The following CACNA1C variants were observed in gnomAD, a reference collection of about 807,000 sequenced individuals.
CACNA1C encodes the protein voltage-dependent L-type calcium channel subunit alpha-1C.
CACNA1C carries 30 observed loss-of-function variants against 229.0 expected under a neutral mutation model. The ratio of observed to expected loss-of-function variants is 0.13; its 90% CI spans 0.10 to 0.18. The LOEUF (loss-of-function observed/expected upper bound fraction) is 0.18. Ranked by LOEUF, CACNA1C falls within the 10% of genes least tolerant of loss-of-function variation. CACNA1C has a pLI of 1.00. For missense variants in CACNA1C, 1,658 were observed against 2,845.0 expected (o/e 0.58, Z 9.49); for synonymous variants, 1,114 against 1,132.5 (o/e 0.98, Z 0.33).
intron 3 of CACNA1C, among the ~76,000 whole-genome samples, chr12:2,254,104 A>G (rs1196914373): frequency 6.6e-6 from 1 of 152,174 alleles, no homozygotes; most frequent in Admixed American, 6.5e-5. Context: ...GCCTTATTTA[A>G]AGTAAAACTT....
In CACNA1C at chr12:2,285,832, G is replaced by C. The variant is rs138953624; in HGVS notation, c.478-163144G>C. On this transcript the variant is annotated intron_variant, in intron 3 of 46. Transcript: ENST00000399655. The surrounding 1 kb of genome is among the most constrained non-coding windows in gnomAD (Gnocchi z 4.2). ...AGGGAGTGTTTTATTAGGAATTTAC[G>C]TTATATGTGCAAGGAATACCACATG... 6.6e-6 allele frequency among the ~76,000 whole-genome samples: 1 copy of C among 152,180 alleles called. No individual in the cohort carries two copies. The highest frequency in any genetic ancestry group is 1.9e-4 in the East Asian group (1 of 5,202).
At position 2,523,511 on chromosome 12, in the gene CACNA1C, T is replaced by C. The variant is rs550023781; in HGVS notation, c.1390+10527T>C. Reference sequence around the variant, plus strand: ...GTCATGGAACCGCCTCTGATGATTCTGGGCTGTGCAGTGCTACAGCGTCAT... The same window carrying C: ...GTCATGGAACCGCCTCTGATGATTCCGGGCTGTGCAGTGCTACAGCGTCAT... On this transcript the variant is annotated intron_variant, in intron 9 of 46. Transcript: ENST00000399655. 3.3e-5 allele frequency among the ~76,000 whole-genome samples: 5 copies of C among 152,284 alleles called. No individual in the cohort carries two copies. In the South Asian group the frequency reaches 8.3e-4, roughly 25 times the overall value.
chr12:2,407,780 G>C (rs1567507661), intron 3 of CACNA1C, among the ~76,000 whole-genome samples: 1 of 152,222 alleles, frequency 6.6e-6, no homozygotes, highest in Non-Finnish European at 1.5e-5. Context: ...GTATTGATTT[G>C]CATTTCCCTA....
chr12:2,377,463 T>C (rs1030031019), intron 3 of CACNA1C, among the ~76,000 whole-genome samples: 3 of 152,154 alleles, frequency 2.0e-5, no homozygotes, highest in Non-Finnish European at 4.4e-5. Context: ...AGCCTAGCCT[T>C]ACAGCGGCTA....
intron 1 of CACNA1C, among the ~76,000 whole-genome samples, chr12:2,036,025 T>A (rs2049079913): frequency 6.6e-6 from 1 of 152,166 alleles, no homozygotes; most frequent in Non-Finnish European, 1.5e-5. Flanking sequence ...ACACCTTCTT[T>A]GGGGTTTATT....
At position 2,152,827 on chromosome 12, in the gene CACNA1C, C is replaced by A. The variant is rs1284168741; in HGVS notation, c.477+32397C>A. On this transcript the variant is annotated intron_variant, in intron 3 of 46. Transcript: ENST00000399655. This position sits in a 1 kb window ranked among gnomAD's most constrained non-coding sequence, Gnocchi z 4.2. ...CTCCTCTTTCCGTTTCCCATGTCAC[C>A]CACAGGACTGGTGTGCCCGGTAGGA... Among the ~76,000 whole-genome samples, 1 of 152,178 alleles carries A rather than the reference C, an allele frequency of 6.6e-6. No homozygotes were observed. Among genetic ancestry groups the A allele is most frequent in the East Asian group, 1.9e-4 (1 of 5,198 alleles).
intron 9 of CACNA1C, among the ~76,000 whole-genome samples, chr12:2,517,227 A>C (rs2099798851): frequency 6.6e-6 from 1 of 152,212 alleles, no homozygotes; most frequent in African/African-American, 2.4e-5. Context: ...GCCTCCTGCA[A>C]TGGCATGGAG....
chr12:2,435,506 T>C (rs2099125716), intron 3 of CACNA1C, among the ~76,000 whole-genome samples: 1 of 152,174 alleles, frequency 6.6e-6, no homozygotes, highest in African/African-American at 2.4e-5. Flanking sequence ...GGTGTCCTGG[T>C]GGGTGCTGCT....
At chr12:2,656,570 G>GA (rs1035784255) in intron 34 of CACNA1C, among the ~76,000 whole-genome samples, 3 of 152,100 alleles carry the variant, frequency 2.0e-5, no homozygotes, top group Non-Finnish European at 4.4e-5. Context: ...TATGGAAATG[G>GA]AAAAAACAAT....
intron 10 of CACNA1C, 66 bp from the exon 11 acceptor site, chr12:2,556,885 T>C (rs140192141): frequency 1.5e-6 from 2 of 1,362,870 alleles, no homozygotes; most frequent in Non-Finnish European, 2.1e-6. Context: ...TCCCTGGGAC[T>C]GTTGACCGTC....
intron 10 of CACNA1C, among the ~76,000 whole-genome samples, chr12:2,555,455 C>T (rs1457775303): frequency 3.3e-5 from 5 of 152,244 alleles, no homozygotes; most frequent in Non-Finnish European, 7.3e-5. Context: ...GGGAGACAAC[C>T]ACCCAAAAGC....
At chr12:2,500,758 T>C (rs1334621897) in intron 7 of CACNA1C, among the ~76,000 whole-genome samples, 4 of 152,154 alleles carry the variant, frequency 2.6e-5, no homozygotes, top group Non-Finnish European at 4.4e-5. Context: ...ACCAGTTGTT[T>C]GGAGTAGGTC....
At chr12:2,221,662 T>A (rs1450952655) in intron 3 of CACNA1C, 1 of 152,230 alleles carries the variant, frequency 6.6e-6, no homozygotes, top group Non-Finnish European at 1.5e-5. Flanking sequence ...AAATGCTCAT[T>A]TCTTTTGGTT....
chr12:2,091,324 T>G (rs1427939222), intron 1 of CACNA1C, among the ~76,000 whole-genome samples: 1 of 152,254 alleles, frequency 6.6e-6, no homozygotes, highest in Non-Finnish European at 1.5e-5. Context: ...GTTCATTTCT[T>G]CTTGCTTCAG....
chr12:2,450,349 T>C (rs914437437), intron 4 of CACNA1C, among the ~76,000 whole-genome samples: 2 of 151,698 alleles, frequency 1.3e-5, no homozygotes, highest in Admixed American at 6.6e-5. Flanking sequence ...GGTCAGGAGA[T>C]CGAGACCATC....
intron 3 of CACNA1C, among the ~76,000 whole-genome samples, chr12:2,193,096 A>G (rs992970693): frequency 2.0e-5 from 3 of 152,218 alleles, no homozygotes; most frequent in South Asian, 2.1e-4. Context: ...TGAGGGGAGA[A>G]CATCATGGTT....
chr12:2,634,198 T>G, intron 29 of CACNA1C, 99 bp from the exon 30 acceptor site: 1 of 340,750 alleles, frequency 2.9e-6, no homozygotes, highest in Non-Finnish European at 5.2e-6. Context: ...CCATACCTTT[T>G]TTTTTTTTTT....
At chr12:2,321,804 C>T (rs1479611560) in intron 3 of CACNA1C, among the ~76,000 whole-genome samples, 1 of 152,150 alleles carries the variant, frequency 6.6e-6, no homozygotes, top group Non-Finnish European at 1.5e-5. Context: ...ACAGCTCGTG[C>T]AAAGTCCTTG....
chr12:2,011,151 CAAAAAAAAAAA>C (rs59227490), intron 1 of CACNA1C: 8 of 100,674 alleles, frequency 7.9e-5, no homozygotes, highest in South Asian at 3.7e-4. Flanking sequence ...AACTGAGTCT[CAAAAAAAAAAA>C]AAAAAAAAAA....
Sources: gnomAD v4.1 joint callset for allele counts (sites outside exome capture counted in the v4.1 genomes callset) on GRCh38, gnomAD v4.1.1 for gene constraint, Gnocchi (gnomAD v3.1) non-coding constraint, MANE v1.5 for transcripts, NCBI Gene and HGNC (gene_info 2026-07-23, HGNC 2026-07-21) for gene names.